Variants in MKLN1 observed in about 807,000 individuals in gnomAD.
The protein encoded by MKLN1 is muskelin 1.
MKLN1 carries 18 observed loss-of-function variants against 99.0 expected under a neutral mutation model. The observed-to-expected ratio is 0.18, with a 90% CI of 0.13 to 0.27. The LOEUF (loss-of-function observed/expected upper bound fraction) is 0.27, where lower values mean the gene tolerates loss of function less well. Among genes scored for constraint, MKLN1 ranks in the 10% least tolerant of loss-of-function variants. The pLI is 1.00. For missense variants in MKLN1, 621 were observed against 875.9 expected, an observed-to-expected ratio of 0.71 and a Z score of 3.67; for synonymous variants, 288 against 293.2, an observed-to-expected ratio of 0.98 and a Z score of 0.18.
chr7:131,369,576 C>T (rs979251736), intron 1 of MKLN1, among the ~76,000 whole-genome samples: 1 of 152,140 alleles, frequency 6.6e-6, no homozygotes, highest in Non-Finnish European at 1.5e-5. Context: ...TCAAGTGTAA[C>T]AGCATTTTGC....
chr7:131,460,718 A>T (rs1183629628), intron 12 of MKLN1, among the ~76,000 whole-genome samples: 1 of 152,206 alleles, frequency 6.6e-6, no homozygotes, highest in African/African-American at 2.4e-5. Flanking sequence ...AGCCGTAGAC[A>T]ACATGTAAAT....
intron 1 of MKLN1, among the ~76,000 whole-genome samples, chr7:131,133,353 CTTTTTTTT>C (rs1198245681): frequency 0.014 from 1,328 of 93,672 alleles, 23 homozygotes; most frequent in African/African-American, 0.054. Context: ...TTCTTTCTTT[CTTTTTTTT>C]TTTTTTTTTT....
chr7:131,450,675 T>G (rs1419935177), intron 12 of MKLN1, among the ~76,000 whole-genome samples: 2 of 152,194 alleles, frequency 1.3e-5, no homozygotes, highest in African/African-American at 4.8e-5. Context: ...GCCCATGCTA[T>G]TCCTCCTACC....
chr7:131,411,990 G>T (rs1794895792), intron 7 of MKLN1, among the ~76,000 whole-genome samples: 1 of 150,544 alleles, frequency 6.6e-6, no homozygotes, highest in South Asian at 2.1e-4. Context: ...AGGGTACTGA[G>T]GTAGAAGGGT....
At chr7:131,442,560 A>G (rs1047328054) in intron 10 of MKLN1, among the ~76,000 whole-genome samples, 1 of 152,186 alleles carries the variant, frequency 6.6e-6, no homozygotes, top group Non-Finnish European at 1.5e-5. Context: ...AAAAAAAAAC[A>G]AATTATGAAA....
intron 3 of MKLN1, among the ~76,000 whole-genome samples, chr7:131,277,417 A>G (rs1274263318): frequency 6.6e-6 from 1 of 151,602 alleles, no homozygotes. Context: ...CTGAGTAGCT[A>G]GGATTACCAG....
intron 1 of MKLN1, among the ~76,000 whole-genome samples, chr7:131,138,671 G>A (rs1248551474): frequency 2.0e-5 from 3 of 151,868 alleles, no homozygotes; most frequent in Non-Finnish European, 4.4e-5. Flanking sequence ...AATATTCAGC[G>A]GGTAAGTGAC....
Position 131,399,345 on chromosome 7 carries a change from A to G in MKLN1, c.615A>G (p.Glu205=), listed in dbSNP as rs760177036. 3.1e-6 allele frequency: 5 copies of G among 1,614,028 alleles called. No homozygotes were observed. In the South Asian group the frequency reaches 5.5e-5, roughly 18 times the overall value. ...SLQKKTKIAL[E]HPMLTDIHDK... is the part of the protein sequence containing the mutation. ...AAAAGAAAACCAAGATTGCACTGGAACATCCCATGTTAACAGATATTCATG... is the reference window on the plus strand; with the variant it reads ...AAAAGAAAACCAAGATTGCACTGGAGCATCCCATGTTAACAGATATTCATG... The change falls in exon 6 of 18, where the codon GAA becomes GAG. Residue 205 remains glutamate (E), a synonymous_variant. Coordinates refer to ENST00000352689, the MANE Select transcript of MKLN1 (RefSeq NM_013255.5).
At chr7:131,142,510 C>A (rs942074401) in intron 1 of MKLN1, among the ~76,000 whole-genome samples, 2 of 151,646 alleles carry the variant, frequency 1.3e-5, no homozygotes, top group African/African-American at 4.8e-5. Context: ...CCGAGACGGG[C>A]GGATCACAAG....
intron 3 of MKLN1, among the ~76,000 whole-genome samples, chr7:131,264,264 C>A (rs763756025): frequency 6.6e-6 from 1 of 152,160 alleles, no homozygotes; most frequent in Non-Finnish European, 1.5e-5. Context: ...CCCTCCACTC[C>A]TCCCCTAACT....
chr7:131,425,011 C>T (rs1006730947), intron 8 of MKLN1, among the ~76,000 whole-genome samples: 1 of 152,136 alleles, frequency 6.6e-6, no homozygotes, highest in African/African-American at 2.4e-5. Flanking sequence ...TCTTTTAAAT[C>T]AAACAGTGTA....
chr7:131,151,699 G>A (rs1416342784), intron 2 of MKLN1, among the ~76,000 whole-genome samples: 1 of 152,122 alleles, frequency 6.6e-6, no homozygotes, highest in African/African-American at 2.4e-5. Flanking sequence ...TAAAAATATA[G>A]AATACAGAGT....
chr7:131,274,241 T>C (rs537881800), intron 3 of MKLN1, among the ~76,000 whole-genome samples: 2 of 152,318 alleles, frequency 1.3e-5, no homozygotes, highest in African/African-American at 4.8e-5. Flanking sequence ...TGATGATTTT[T>C]GGCCAAGAAT....
chr7:131,250,874 C>G (rs1404529231), intron 3 of MKLN1, among the ~76,000 whole-genome samples: 6 of 152,134 alleles, frequency 3.9e-5, no homozygotes. Flanking sequence ...TGCTGCATAT[C>G]ACTCCCAAGT....
intron 2 of MKLN1, among the ~76,000 whole-genome samples, chr7:131,160,039 G>GA (rs370902208): frequency 9.4e-5 from 14 of 148,334 alleles, no homozygotes; most frequent in Non-Finnish European, 1.0e-4. Context: ...CGTCATCCTA[G>GA]AAAAAAAAAA....
At chr7:131,334,307 C>A (rs1799187781) in intron 1 of MKLN1, among the ~76,000 whole-genome samples, 1 of 152,186 alleles carries the variant, frequency 6.6e-6, no homozygotes, top group Admixed American at 6.5e-5. Flanking sequence ...TCTCCCTTTT[C>A]TCCCTATCTT....
chr7:131,416,904 G>T (rs390930), intron 8 of MKLN1, among the ~76,000 whole-genome samples: 3 of 145,572 alleles, frequency 2.1e-5, no homozygotes, highest in Non-Finnish European at 4.5e-5. Flanking sequence ...GATTGCTTGA[G>T]CCCAGGATTG....
At chr7:131,241,294 C>T (rs543544831) in intron 3 of MKLN1, among the ~76,000 whole-genome samples, 148 of 150,088 alleles carry the variant, frequency 9.9e-4, no homozygotes, top group African/African-American at 3.5e-3. Context: ...ATGAGAATTG[C>T]TTGAACCTGG....
At position 131,439,460 on chromosome 7, in the gene MKLN1, G is replaced by A. The variant is rs950705076; in HGVS notation, c.1173+1463G>A. Among the ~76,000 whole-genome samples the A allele has an allele frequency of 5.3e-5, 8 of 152,198 alleles. 1 individual carries two copies. The South Asian group carries it at 1.7e-3, about 32-fold the overall frequency. On this transcript the variant is annotated intron_variant, in intron 10 of 17. Transcript: ENST00000352689. ...GTTAGATGGTACAGCAGAACACTGGGGGTGAAGAAACAAGGATTTCAGTAC... is the reference window on the plus strand; with the variant it reads ...GTTAGATGGTACAGCAGAACACTGGAGGTGAAGAAACAAGGATTTCAGTAC...
Sources: gnomAD v4.1 joint callset for allele counts (sites outside exome capture counted in the v4.1 genomes callset) on GRCh38, gnomAD v4.1.1 for gene constraint, MANE v1.5 for transcripts, NCBI Gene and HGNC (gene_info 2026-07-23, HGNC 2026-07-21) for gene names.